The following ACOT13 variants were observed in gnomAD, a reference collection of about 807,000 sequenced individuals.
The protein encoded by ACOT13 is acyl-coenzyme A thioesterase 13.
Under a neutral mutation model 11.8 loss-of-function variants are expected in ACOT13, and 10 were observed. The ratio of observed to expected loss-of-function variants is 0.85; its 90% CI spans 0.53 to 1.44. The LOEUF is 1.44. Among genes scored for constraint, ACOT13 ranks in the 40% most tolerant of loss-of-function variants. The pLI is 0.00. For synonymous variants in ACOT13, 53 were observed against 61.0 expected (o/e 0.87, Z 0.61); for missense variants, 172 against 174.1 (o/e 0.99, Z 0.07).
intron 1 of ACOT13, chr6:24,687,833 T>G: frequency 1.1e-6 from 1 of 879,674 alleles, no homozygotes; most frequent in Non-Finnish European, 1.6e-6. Flanking sequence ...TGCTTCAGCC[T>G]CCAGAGCAGC....
intron 1 of ACOT13, among the ~76,000 whole-genome samples, chr6:24,679,705 C>A (rs1778515486): frequency 6.6e-6 from 1 of 152,186 alleles, no homozygotes; most frequent in African/African-American, 2.4e-5. Context: ...GACTGAGATA[C>A]CAGAGATCAC....
At chr6:24,701,287 G>C in intron 2 of ACOT13, 172 bp from the exon 3 acceptor site, 1 of 440,884 alleles carries the variant, frequency 2.3e-6, no homozygotes, top group Admixed American at 4.4e-5. Context: ...GGGTAAAATA[G>C]AACCTGGTTA....
intron 1 of ACOT13, among the ~76,000 whole-genome samples, chr6:24,686,358 T>A (rs1778630326): frequency 6.6e-6 from 1 of 152,186 alleles, no homozygotes; most frequent in African/African-American, 2.4e-5. Flanking sequence ...TATAAAGGAA[T>A]ACCTGAGACT....
At chr6:24,696,004 G>A (rs1436528568) in intron 1 of ACOT13, among the ~76,000 whole-genome samples, 1 of 152,140 alleles carries the variant, frequency 6.6e-6, no homozygotes, top group Non-Finnish European at 1.5e-5. Flanking sequence ...GTTGCAGTGA[G>A]CCGAGATCAA....
intron 1 of ACOT13, among the ~76,000 whole-genome samples, chr6:24,682,389 G>A (rs1452538470): frequency 6.6e-6 from 1 of 152,192 alleles, no homozygotes; most frequent in Non-Finnish European, 1.5e-5. Flanking sequence ...CAAGCCTCGT[G>A]TTCTCTTACC....
intron 1 of ACOT13, among the ~76,000 whole-genome samples, chr6:24,683,568 G>A (rs1778587072): frequency 6.6e-6 from 1 of 150,676 alleles, no homozygotes. Flanking sequence ...TTTTGCCAAG[G>A]TTGGTTCTGA....
At chr6:24,698,510 A>G (rs955612974) in intron 2 of ACOT13, among the ~76,000 whole-genome samples, 2 of 152,140 alleles carry the variant, frequency 1.3e-5, no homozygotes, top group African/African-American at 2.4e-5. Flanking sequence ...ACAAAAAATA[A>G]ATATTATTTA....
rs1778825515 is a variant in ACOT13, at chr6:24,697,994, G to GAT, written c.195_196dup (p.Asn66IlefsTer22). The stretch of plus-strand genomic sequence containing the variant: ...CGGCGGTTTGACAGCCACGTTAGTA[G>GAT]ATAACATATCAACAATGGCTCTGCT... On this transcript the variant is annotated frameshift_variant, in exon 2 of 3. Coordinates refer to ENST00000230048, the MANE Select transcript of ACOT13 (RefSeq NM_018473.4). LOFTEE classifies it high-confidence loss of function. 1 of 1,613,846 alleles carries GAT rather than the reference G, an allele frequency of 6.2e-7. No homozygotes were observed. Among genetic ancestry groups the GAT allele is most frequent in the Admixed American group, 1.7e-5 (1 of 59,940 alleles).
At chr6:24,686,694 CTTCTTTTCTT>C (rs746965547) in intron 1 of ACOT13, among the ~76,000 whole-genome samples, 24 of 143,824 alleles carry the variant, frequency 1.7e-4, no homozygotes, top group Non-Finnish European at 3.0e-4. Flanking sequence ...CTCTTCTCTT[CTTCTTTTCTT>C]TTCTTTTCTT....
intron 1 of ACOT13, among the ~76,000 whole-genome samples, chr6:24,691,743 T>G (rs377375786): frequency 2.0e-4 from 30 of 152,288 alleles, no homozygotes; most frequent in Admixed American, 4.6e-4. Flanking sequence ...TTTCCATTGT[T>G]TGAGGGCCCC....
intron 1 of ACOT13, among the ~76,000 whole-genome samples, chr6:24,671,517 C>T (rs566549599): frequency 5.9e-5 from 9 of 152,032 alleles, no homozygotes; most frequent in Admixed American, 2.0e-4. Context: ...ATGTAAATGA[C>T]GAATTAATGG....
intron 1 of ACOT13, among the ~76,000 whole-genome samples, chr6:24,669,677 T>G (rs1175610292): frequency 6.6e-6 from 1 of 152,170 alleles, no homozygotes; most frequent in Non-Finnish European, 1.5e-5. Context: ...CCCAAGTTAT[T>G]AGGAAAGCTA....
chr6:24,688,316 A>G (rs1455357237), intron 1 of ACOT13, among the ~76,000 whole-genome samples: 2 of 152,038 alleles, frequency 1.3e-5, no homozygotes, highest in African/African-American at 4.8e-5. Flanking sequence ...AGGCAGTAGG[A>G]TAGCTTGAGC....
chr6:24,698,785 G>A (rs1029774604), intron 2 of ACOT13, among the ~76,000 whole-genome samples: 1 of 151,704 alleles, frequency 6.6e-6, no homozygotes, highest in African/African-American at 2.4e-5. Flanking sequence ...TTACAGGTGT[G>A]CGCCACCATG....
intron 1 of ACOT13, among the ~76,000 whole-genome samples, chr6:24,677,832 T>G (rs1460260753): frequency 6.6e-6 from 1 of 152,224 alleles, no homozygotes; most frequent in African/African-American, 2.4e-5. Flanking sequence ...TTTAGGGTTT[T>G]GGGATGAGGA....
At chr6:24,690,756 G>T (rs2127626504) in intron 1 of ACOT13, among the ~76,000 whole-genome samples, 1 of 151,990 alleles carries the variant, frequency 6.6e-6, no homozygotes, top group African/African-American at 2.4e-5. Context: ...TGTTATTTTT[G>T]GCCTTCTCTT....
intron 2 of ACOT13, among the ~76,000 whole-genome samples, chr6:24,699,020 G>A (rs891265572): frequency 1.6e-4 from 25 of 152,110 alleles, no homozygotes; most frequent in African/African-American, 6.0e-4. Context: ...CTTCCAAAAT[G>A]TAAGAAACTC....
At chr6:24,677,230 G>A (rs1383693786) in intron 1 of ACOT13, among the ~76,000 whole-genome samples, 1 of 152,218 alleles carries the variant, frequency 6.6e-6, no homozygotes, top group Non-Finnish European at 1.5e-5. Context: ...TGGCATTTAT[G>A]TTCTATCTTT....
rs1044401571 is a variant in ACOT13, at chr6:24,704,857, A to C, written c.*3242A>C. On this transcript the variant is annotated 3_prime_UTR_variant, in exon 3 of 3. Transcript: ENST00000230048. ...AATGGAAAGAAAAAGTTAACACTTC[A>C]AACTTTGTGTATTCACCTGAATAGT... 6.6e-5 allele frequency: 10 copies of C among 152,346 alleles called. No individual in the cohort carries two copies. The highest frequency in any genetic ancestry group is 3.4e-3 in the Middle Eastern group (1 of 294). The allele number at this position is 152,346 out of a possible 1,614,324, so 9.4% of individuals were successfully genotyped here.
Sources: gnomAD v4.1 joint callset for allele counts (sites outside exome capture counted in the v4.1 genomes callset) on GRCh38, gnomAD v4.1.1 for gene constraint, MANE v1.5 for transcripts, NCBI Gene and HGNC (gene_info 2026-07-23, HGNC 2026-07-21) for gene names.